Variants in CADPS observed in about 807,000 individuals in gnomAD.
CADPS encodes the protein calcium dependent secretion activator.
A neutral mutation model predicts 167.3 loss-of-function variants in CADPS; 57 were observed. That is an observed-to-expected ratio of 0.34 (90% confidence interval 0.28 to 0.42). The LOEUF (loss-of-function observed/expected upper bound fraction) is 0.42. CADPS is among the 20% of genes least tolerant of loss of function. The pLI is 1.00. For synonymous variants in CADPS, 676 were observed against 635.3 expected (o/e 1.06, Z -0.96); for missense variants, 1,414 against 1,738.1 (o/e 0.81, Z 3.32).
At chr3:62,768,599 G>T (rs2087601753) in intron 1 of CADPS, among the ~76,000 whole-genome samples, 1 of 151,970 alleles carries the variant, frequency 6.6e-6, no homozygotes, top group South Asian at 2.1e-4. Flanking sequence ...AGACACTACG[G>T]GTTCAGTGGT....
chr3:62,781,804 A>G (rs1576335506), intron 1 of CADPS, among the ~76,000 whole-genome samples: 5 of 152,154 alleles, frequency 3.3e-5, no homozygotes, highest in Admixed American at 2.0e-4. Context: ...TTGCACCTCA[A>G]AGACCACCTT....
At chr3:62,784,811 A>G (rs1324258545) in intron 1 of CADPS, among the ~76,000 whole-genome samples, 3 of 152,026 alleles carry the variant, frequency 2.0e-5, no homozygotes, top group Non-Finnish European at 2.9e-5. Flanking sequence ...AAGATACACA[A>G]GGGCCATATC....
chr3:62,484,319 A>G (rs2062481457), intron 21 of CADPS, among the ~76,000 whole-genome samples: 1 of 152,198 alleles, frequency 6.6e-6, no homozygotes, highest in African/African-American at 2.4e-5. Context: ...TCTAAGCATA[A>G]TATTTTACTA....
intron 9 of CADPS, among the ~76,000 whole-genome samples, chr3:62,559,702 C>T (rs982377611): frequency 1.3e-5 from 2 of 152,142 alleles, no homozygotes; most frequent in Non-Finnish European, 2.9e-5. Flanking sequence ...CTATGTTGGT[C>T]AAGCTGGTCT....
intron 3 of CADPS, among the ~76,000 whole-genome samples, chr3:62,673,733 T>G (rs112148387): frequency 6.6e-6 from 1 of 152,206 alleles, no homozygotes; most frequent in African/African-American, 2.4e-5. Context: ...AAATTTAGTT[T>G]GGGCAGCTGA....
intron 3 of CADPS, among the ~76,000 whole-genome samples, chr3:62,698,757 T>TTTTTTTTTTTC: frequency 1.3e-5 from 1 of 79,330 alleles, no homozygotes; most frequent in Non-Finnish European, 2.4e-5. Flanking sequence ...TTTTTTTTTT[T>TTTTTTTTTTTC]CAGACAGGGT....
rs964505204 is a variant in CADPS, at chr3:62,874,216, C to G, written c.441+373G>C. ...CGCAGCCGCCCGCCGCTGGAGAGCG[C>G]TGGGAGCCCTGCAAGCGAGCAAGGC... is the stretch of plus-strand genomic sequence containing the variant. On this transcript the variant is annotated intron_variant, in intron 1 of 29. Coordinates refer to ENST00000383710, the MANE Select transcript of CADPS (RefSeq NM_003716.4). This position sits in a 1 kb window ranked among gnomAD's most constrained non-coding sequence, Gnocchi z 7.1. Among the ~76,000 whole-genome samples the G allele has an allele frequency of 1.3e-5, 2 of 152,124 alleles. No individual in the cohort carries two copies. Among genetic ancestry groups the G allele is most frequent in the African/African-American group, 4.8e-5 (2 of 41,446 alleles).
intron 2 of CADPS, among the ~76,000 whole-genome samples, chr3:62,761,080 A>G (rs2085289337): frequency 1.3e-5 from 2 of 152,140 alleles, no homozygotes; most frequent in African/African-American, 4.8e-5. Flanking sequence ...GTTTATCCCA[A>G]TTATTAAGTG....
At chr3:62,516,691 CA>C in intron 14 of CADPS, 48 bp from the exon 15 acceptor site, 1 of 1,349,882 alleles carries the variant, frequency 7.4e-7, no homozygotes, top group Non-Finnish European at 1.1e-6. Flanking sequence ...TACATTTTAG[CA>C]TGAAATATGC....
chr3:62,636,979 A>G (rs952541555), intron 6 of CADPS, among the ~76,000 whole-genome samples: 7 of 152,102 alleles, frequency 4.6e-5, no homozygotes, highest in Non-Finnish European at 8.8e-5. Context: ...GTGGAGTTGT[A>G]GGATTTGGGG....
At chr3:62,803,658 T>C (rs1267921995) in intron 1 of CADPS, among the ~76,000 whole-genome samples, 1 of 152,138 alleles carries the variant, frequency 6.6e-6, no homozygotes, top group Non-Finnish European at 1.5e-5. Flanking sequence ...CATTCTTATC[T>C]CACAAGGTGA....
At chr3:62,639,911 T>G (rs931739505) in intron 6 of CADPS, among the ~76,000 whole-genome samples, 2 of 152,170 alleles carry the variant, frequency 1.3e-5, no homozygotes, top group African/African-American at 4.8e-5. Flanking sequence ...TGCTGTTTCC[T>G]CTTCCCTATG....
At position 62,499,173 on chromosome 3, in the gene CADPS, G is replaced by A; in HGVS notation, c.2695C>T (p.His899Tyr). 2 of 1,609,702 alleles carry A rather than the reference G, an allele frequency of 1.2e-6. No homozygotes were observed. The highest frequency in any genetic ancestry group is 1.7e-6 in the Non-Finnish European group (2 of 1,176,040). The stretch of plus-strand genomic sequence containing the variant: ...CCAAGCCTGCTCACCTCTGCGTGGT[G>A]CTCCTCATTTTGCTGAAGAACTTCA... Reference protein sequence around the residue: ...VIEVLQQNEEHHAEPHVDKGE... With the variant: ...VIEVLQQNEEYHAEPHVDKGE... Residue 899 changes from histidine to tyrosine, a missense_variant, in exon 18 of 30, where the codon CAC (histidine) becomes TAC (tyrosine). Around this residue, in one of 6 missense-constraint regions of CADPS, gnomAD observed 529 missense variants for 629.6 expected, o/e 0.84. Transcript: ENST00000383710.
intron 3 of CADPS, among the ~76,000 whole-genome samples, chr3:62,728,415 T>A (rs1161810060): frequency 2.0e-5 from 3 of 151,872 alleles, no homozygotes; most frequent in African/African-American, 4.9e-5. Flanking sequence ...CACTTTTTCC[T>A]AAAATAAATT....
intron 9 of CADPS, among the ~76,000 whole-genome samples, chr3:62,557,750 G>C (rs1296599766): frequency 6.6e-6 from 1 of 152,228 alleles, no homozygotes; most frequent in Non-Finnish European, 1.5e-5. Context: ...TGTGAAGACT[G>C]AATGAGTTCA....
intron 1 of CADPS, among the ~76,000 whole-genome samples, chr3:62,872,831 CACTT>C (rs555279281): frequency 6.6e-6 from 1 of 152,124 alleles, no homozygotes; most frequent in Non-Finnish European, 1.5e-5. Flanking sequence ...TTCGACCTAA[CACTT>C]AAAGTCACAG....
At chr3:62,524,895 G>T (rs1325575499) in intron 13 of CADPS, among the ~76,000 whole-genome samples, 1 of 152,048 alleles carries the variant, frequency 6.6e-6, no homozygotes, top group Non-Finnish European at 1.5e-5. Flanking sequence ...TTCCCTTTGA[G>T]GAATAAGGGA....
rs2068900721 is a variant in CADPS, at chr3:62,516,047, A to G, written c.2581+12T>C. The G allele has an allele frequency of 9.9e-6, 16 of 1,612,696 alleles. No homozygotes were observed. Among genetic ancestry groups the G allele is most frequent in the African/African-American group, 1.3e-5 (1 of 74,862 alleles). On this transcript the variant is annotated intron_variant, in intron 16 of 29. Coordinates refer to ENST00000383710, the MANE Select transcript of CADPS (RefSeq NM_003716.4). ...ATTTAAATTCAAAACTGGGGGCAGA[A>G]GGGAGCCTTACCTTCGATTTTGGCA...
At chr3:62,710,190 C>T (rs1183097701) in intron 3 of CADPS, among the ~76,000 whole-genome samples, 2 of 152,042 alleles carry the variant, frequency 1.3e-5, no homozygotes, top group Non-Finnish European at 2.9e-5. Flanking sequence ...ACTGAAATCT[C>T]CGTGAACTTG....
Sources: allele counts gnomAD v4.1 joint callset (sites outside exome capture counted in the v4.1 genomes callset), GRCh38; gene constraint gnomAD v4.1.1; regional missense constraint gnomAD v4.1.1; non-coding constraint Gnocchi (gnomAD v3.1); transcripts MANE v1.5; gene names NCBI Gene and HGNC (gene_info 2026-07-23, HGNC 2026-07-21).